Variants in FAM220A observed in about 807,000 individuals in gnomAD.
FAM220A encodes the protein family with sequence similarity 220 member A.
For missense variants in FAM220A, 392 were observed against 321.6 expected, an observed-to-expected ratio of 1.22 and a Z score of -1.68; for synonymous variants, 141 against 130.7, an observed-to-expected ratio of 1.08 and a Z score of -0.54.
chr7:6,337,763 TTTAA>T (rs1481917237), intron 1 of FAM220A, among the ~76,000 whole-genome samples: 1 of 151,684 alleles, frequency 6.6e-6, no homozygotes, highest in Non-Finnish European at 1.5e-5. Flanking sequence ...TAATAAACTA[TTTAA>T]TTCTCTCATC....
At chr7:6,334,014 T>C (rs1781696902) in intron 1 of FAM220A, among the ~76,000 whole-genome samples, 1 of 151,224 alleles carries the variant, frequency 6.6e-6, no homozygotes, top group Non-Finnish European at 1.5e-5. Context: ...GCCCGGCTAA[T>C]TTTTCGTATT....
chr7:6,348,290 C>T (rs1298896406), intron 1 of FAM220A, among the ~76,000 whole-genome samples: 1 of 151,664 alleles, frequency 6.6e-6, no homozygotes, highest in African/African-American at 2.4e-5. Context: ...AATAAAGGTC[C>T]TCTTCAACAC....
intron 1 of FAM220A, among the ~76,000 whole-genome samples, chr7:6,343,804 GGGCTCCCTAAACAAATTTGGAAAAT>G (rs1385212268): frequency 6.6e-6 from 1 of 151,918 alleles, no homozygotes; most frequent in Non-Finnish European, 1.5e-5. Context: ...TAGGGAGGAG[GGGCTCCCTAAACAAATTTGGAAAAT>G]GGAGTTCCTT....
chr7:6,347,588 C>G (rs1159665317), intron 1 of FAM220A, among the ~76,000 whole-genome samples: 3 of 151,988 alleles, frequency 2.0e-5, no homozygotes, highest in Non-Finnish European at 4.4e-5. Context: ...TGAGCATACT[C>G]TAAGATCAGC....
At position 6,348,916 on chromosome 7, in the gene FAM220A, C is replaced by A. The variant is rs1214414196; in HGVS notation, c.-425G>T. The A allele has an allele frequency of 2.6e-6, 1 of 384,958 alleles. No homozygotes were observed. The highest frequency in any genetic ancestry group is 4.6e-5 in the Admixed American group (1 of 21,644). The allele number at this position is 384,958 out of a possible 1,614,324, so 23.8% of individuals were successfully genotyped here. ...TGGAGCGGAGTCCGCACGTCACGCTCGGAGAAGTGCCTCCGCGAGCAGCCG... is the reference window on the plus strand; with the variant it reads ...TGGAGCGGAGTCCGCACGTCACGCTAGGAGAAGTGCCTCCGCGAGCAGCCG... On this transcript the variant is annotated 5_prime_UTR_variant, in exon 1 of 2. Transcript: ENST00000313324.
chr7:6,333,457 A>G (rs1283447406), intron 1 of FAM220A, among the ~76,000 whole-genome samples: 1 of 152,144 alleles, frequency 6.6e-6, no homozygotes, highest in Non-Finnish European at 1.5e-5. Flanking sequence ...AGAAAGAAAG[A>G]AGGCTGTGAT....
At chr7:6,340,980 A>AT (rs1272026983) in intron 1 of FAM220A, among the ~76,000 whole-genome samples, 3 of 140,958 alleles carry the variant, frequency 2.1e-5, no homozygotes, top group Non-Finnish European at 4.6e-5. Flanking sequence ...AAAAAAAAAA[A>AT]AAAAATTCAA....
intron 1 of FAM220A, among the ~76,000 whole-genome samples, chr7:6,338,999 C>G (rs1474039387): frequency 6.6e-6 from 1 of 152,182 alleles, no homozygotes; most frequent in East Asian, 1.9e-4. Flanking sequence ...ACTCACTGTG[C>G]TCATGGCCCA....
chr7:6,340,270 C>A (rs1443807496), intron 1 of FAM220A, among the ~76,000 whole-genome samples: 1 of 152,158 alleles, frequency 6.6e-6, no homozygotes, highest in Non-Finnish European at 1.5e-5. Flanking sequence ...ATCCTAAGGG[C>A]ATCCCAGCTG....
At chr7:6,345,320 G>A (rs556746010) in intron 1 of FAM220A, among the ~76,000 whole-genome samples, 2 of 152,036 alleles carry the variant, frequency 1.3e-5, no homozygotes, top group South Asian at 2.1e-4. Context: ...TTGCTGTGTT[G>A]CCCAGGCTGG....
rs1436185820 is a variant in FAM220A at position 6,331,192 on chromosome 7, C to G, written c.-38G>C. ...TGGATGCGGTGGGCCTGAGGTCACG[C>G]CTTCGTCAGTCTGGGAGGGCCTTCA... is the stretch of plus-strand genomic sequence containing the variant. On this transcript the variant is annotated 5_prime_UTR_variant, in exon 2 of 2. Transcript: ENST00000313324. 12 of 1,578,778 alleles carry G rather than the reference C, an allele frequency of 7.6e-6. No homozygotes were observed. Among genetic ancestry groups the G allele is most frequent in the Non-Finnish European group, 1.0e-5 (12 of 1,163,266 alleles).
intron 1 of FAM220A, among the ~76,000 whole-genome samples, chr7:6,332,723 G>A (rs6965687): frequency 0.61 from 92,571 of 151,950 alleles, 30,089 homozygotes; most frequent in East Asian, 0.9. Context: ...TAAAATTAAA[G>A]AGCAGCAACA....
intron 1 of FAM220A, among the ~76,000 whole-genome samples, chr7:6,336,104 C>T (rs544277637): frequency 7.4e-5 from 11 of 148,602 alleles, no homozygotes; most frequent in East Asian, 2.0e-4. Context: ...ACCTGGGAGG[C>T]GGAGGTTACA....
intron 1 of FAM220A, among the ~76,000 whole-genome samples, chr7:6,334,183 C>G (rs1169996203): frequency 2.0e-5 from 3 of 151,662 alleles, no homozygotes; most frequent in Admixed American, 6.6e-5. Flanking sequence ...CCACATCAGC[C>G]TCCTGAGTAG....
At chr7:6,333,222 GTTA>G (rs1156613942) in intron 1 of FAM220A, among the ~76,000 whole-genome samples, 2 of 151,798 alleles carry the variant, frequency 1.3e-5, no homozygotes, top group African/African-American at 4.8e-5. Flanking sequence ...GAAGGATGCA[GTTA>G]TTATTAGAGG....
intron 1 of FAM220A, chr7:6,338,701 C>G (rs543578788): frequency 6.6e-6 from 1 of 152,430 alleles, no homozygotes; most frequent in Non-Finnish European, 1.5e-5. Flanking sequence ...AATGGCCTGA[C>G]CTACTTAGCT....
chr7:6,347,856 C>T (rs1400815197), intron 1 of FAM220A, among the ~76,000 whole-genome samples: 1 of 149,920 alleles, frequency 6.7e-6, no homozygotes, highest in Non-Finnish European at 1.5e-5. Flanking sequence ...GAGTTCGAGA[C>T]CAGCCTGGGC....
At chr7:6,346,306 C>T (rs1562449567) in intron 1 of FAM220A, among the ~76,000 whole-genome samples, 1 of 152,288 alleles carries the variant, frequency 6.6e-6, no homozygotes, top group East Asian at 1.9e-4. Context: ...CAGAATGCTA[C>T]AAGCCCTTGA....
chr7:6,345,856 T>C (rs1358141670), intron 1 of FAM220A, among the ~76,000 whole-genome samples: 1 of 151,580 alleles, frequency 6.6e-6, no homozygotes, highest in Admixed American at 6.6e-5. Context: ...GCAACCTCCA[T>C]CTCCTGGGTT....
Sources: gnomAD v4.1 joint callset for allele counts (sites outside exome capture counted in the v4.1 genomes callset) on GRCh38, gnomAD v4.1.1 for gene constraint, MANE v1.5 for transcripts, NCBI Gene and HGNC (gene_info 2026-07-23, HGNC 2026-07-21) for gene names.